Variants in PKP4 observed in about 807,000 individuals in gnomAD.
PKP4 encodes plakophilin-4.
PKP4 carries 90 observed loss-of-function variants against 145.1 expected under a neutral mutation model. That is an observed-to-expected ratio of 0.62 (90% CI 0.52 to 0.74). The LOEUF is 0.74. Among genes scored for constraint, PKP4 ranks in the 30% least tolerant of loss-of-function variants. PKP4 has a pLI of 0.00. For synonymous variants in PKP4, 563 were observed against 577.2 expected (o/e 0.98, Z 0.35); for missense variants, 1,340 against 1,482.7 (o/e 0.90, Z 1.58).
chr2:158,623,152 C>T (rs2052415180), intron 6 of PKP4, among the ~76,000 whole-genome samples: 1 of 152,070 alleles, frequency 6.6e-6, no homozygotes, highest in African/African-American at 2.4e-5. Context: ...ACTATTACCA[C>T]CCAATCATGC....
At chr2:158,633,107 T>C (rs954600628) in intron 8 of PKP4, among the ~76,000 whole-genome samples, 3 of 152,218 alleles carry the variant, frequency 2.0e-5, no homozygotes, top group African/African-American at 4.8e-5. Flanking sequence ...TCCAGTGTTA[T>C]TACAATCCAC....
rs2105982368 is a variant in PKP4, at chr2:158,662,977, A to C, written c.2292A>C (p.Gly764=). Reference sequence around the variant, plus strand: ...AGGTGCCCCAGGCCCGGTTACTGGGACTGAACGAATTGGATGACTTACTAG... The same window carrying C: ...AGGTGCCCCAGGCCCGGTTACTGGGCCTGAACGAATTGGATGACTTACTAG... ...ELEVPQARLL[G]LNELDDLLGK... is the part of the protein sequence containing the mutation. The change falls in exon 14 of 22, where the codon GGA becomes GGC. Residue 764 remains glycine (G), a synonymous_variant. Coordinates refer to ENST00000389759, the MANE Select transcript of PKP4 (RefSeq NM_003628.6). 1 of 1,613,820 alleles carries C rather than the reference A, an allele frequency of 6.2e-7. No individual in the cohort carries two copies. The highest frequency in any genetic ancestry group is 1.1e-5 in the South Asian group (1 of 91,044).
chr2:158,607,303 A>G (rs2050735498), intron 4 of PKP4, among the ~76,000 whole-genome samples: 1 of 152,330 alleles, frequency 6.6e-6, no homozygotes, highest in South Asian at 2.1e-4. Context: ...TTGATGGATA[A>G]GAGTTCTTTG....
intron 7 of PKP4, among the ~76,000 whole-genome samples, chr2:158,626,240 T>C (rs2052773245): frequency 1.3e-5 from 2 of 152,242 alleles, no homozygotes; most frequent in African/African-American, 2.4e-5. Flanking sequence ...TTTACAAATA[T>C]ATGCAATCCA....
chr2:158,493,477 C>T (rs1467295747), intron 1 of PKP4, among the ~76,000 whole-genome samples: 1 of 152,156 alleles, frequency 6.6e-6, no homozygotes, highest in Non-Finnish European at 1.5e-5. Flanking sequence ...CATGTGGTTA[C>T]CCTAGCAGCT....
At chr2:158,626,854 T>A (rs559011117) in intron 7 of PKP4, among the ~76,000 whole-genome samples, 1 of 152,326 alleles carries the variant, frequency 6.6e-6, no homozygotes, top group African/African-American at 2.4e-5. Flanking sequence ...GTGAAAGCTT[T>A]TTTTTACTAG....
chr2:158,581,097 C>T (rs539426390), intron 3 of PKP4, among the ~76,000 whole-genome samples: 1 of 152,294 alleles, frequency 6.6e-6, no homozygotes, highest in South Asian at 2.1e-4. Context: ...TATTGTGTCA[C>T]TTGAGAGATC....
At chr2:158,549,373 GT>G (rs745314752) in intron 2 of PKP4, 2 of 152,148 alleles carry the variant, frequency 1.3e-5, no homozygotes, top group Non-Finnish European at 2.9e-5. Flanking sequence ...AGTCAGTGTA[GT>G]CTGCTTTTTA....
At chr2:158,581,158 A>C (rs1314452328) in intron 3 of PKP4, among the ~76,000 whole-genome samples, 1 of 152,206 alleles carries the variant, frequency 6.6e-6, no homozygotes, top group Non-Finnish European at 1.5e-5. Context: ...ACCAGAATCT[A>C]AGTGATACAG....
At chr2:158,540,372 C>T (rs2044411608) in intron 2 of PKP4, among the ~76,000 whole-genome samples, 1 of 152,088 alleles carries the variant, frequency 6.6e-6, no homozygotes, top group Non-Finnish European at 1.5e-5. Flanking sequence ...AGTTAATGAA[C>T]TAAAAATGTA....
chr2:158,567,728 G>T (rs1461785879), intron 2 of PKP4, among the ~76,000 whole-genome samples: 1 of 152,212 alleles, frequency 6.6e-6, no homozygotes. Context: ...AGGAAAAAAT[G>T]TAAGCAGTGG....
intron 1 of PKP4, among the ~76,000 whole-genome samples, chr2:158,502,363 G>A (rs190195368): frequency 1.2e-4 from 18 of 152,272 alleles, no homozygotes; most frequent in African/African-American, 4.1e-4. Context: ...GTCGCAGTAG[G>A]GGAGGGATCC....
At chr2:158,501,388 G>A (rs1462795931) in intron 1 of PKP4, among the ~76,000 whole-genome samples, 1 of 152,184 alleles carries the variant, frequency 6.6e-6, no homozygotes, top group Non-Finnish European at 1.5e-5. Flanking sequence ...TACATGCCAG[G>A]TTGGTTTATA....
intron 2 of PKP4, among the ~76,000 whole-genome samples, chr2:158,553,534 G>C (rs567084298): frequency 6.6e-6 from 1 of 152,176 alleles, no homozygotes; most frequent in Admixed American, 6.5e-5. Flanking sequence ...TTCCCAAACT[G>C]TACAGGCTTG....
intron 1 of PKP4, among the ~76,000 whole-genome samples, chr2:158,481,595 G>C (rs975473120): frequency 1.3e-5 from 2 of 152,186 alleles, no homozygotes; most frequent in Non-Finnish European, 2.9e-5. Flanking sequence ...TGGGTGTTAA[G>C]TGATACCTCA....
rs116365008 is a variant in PKP4, at chr2:158,550,947, C to T, written c.132+17631C>T. On this transcript the variant is annotated intron_variant, in intron 2 of 21. Transcript: ENST00000389759. Reference sequence around the variant, plus strand: ...TACACATAACAGAGAAAGAAGACTACATTGCCTTGCTGTGTTATTTATGTT... The same window carrying T: ...TACACATAACAGAGAAAGAAGACTATATTGCCTTGCTGTGTTATTTATGTT... 2.6e-3 allele frequency among the ~76,000 whole-genome samples: 391 copies of T among 152,328 alleles called. 1 individual carries two copies. The highest frequency in any genetic ancestry group is 0.01 in the Middle Eastern group (3 of 294).
chr2:158,494,382 C>T (rs1695378747), intron 1 of PKP4, among the ~76,000 whole-genome samples: 1 of 151,768 alleles, frequency 6.6e-6, no homozygotes, highest in African/African-American at 2.4e-5. Flanking sequence ...TTGTAAACTA[C>T]AGCGTTATTT....
chr2:158,457,446 A>G (rs1688953176), intron 1 of PKP4: 1 of 150,296 alleles, frequency 6.7e-6, no homozygotes, highest in Non-Finnish European at 1.5e-5. Context: ...CACAAGTTTC[A>G]CCCTCCATTT....
intron 6 of PKP4, among the ~76,000 whole-genome samples, chr2:158,623,357 G>GT (rs932565714): frequency 1.3e-5 from 2 of 151,856 alleles, no homozygotes; most frequent in Admixed American, 1.3e-4. Flanking sequence ...TTGTTTGTTT[G>GT]TTTTTTGTAG....
Sources: gnomAD v4.1 joint callset for allele counts (sites outside exome capture counted in the v4.1 genomes callset) on GRCh38, gnomAD v4.1.1 for gene constraint, MANE v1.5 for transcripts, NCBI Gene and HGNC (gene_info 2026-07-23, HGNC 2026-07-21) for gene names.